The following FREM2 variants were observed in gnomAD, a reference collection of about 807,000 sequenced individuals.
FREM2 encodes FRAS1 related extracellular matrix 2, also known as FRAS1-related extracellular matrix protein 2.
A neutral mutation model predicts 219.9 loss-of-function variants in FREM2; 119 were observed. The observed-to-expected ratio is 0.54, with a 90% CI of 0.47 to 0.63. FREM2 has a LOEUF of 0.63. Among genes scored for constraint, FREM2 ranks in the 30% least tolerant of loss-of-function variants. The probability of loss-of-function intolerance (pLI) is 0.00; values close to 1 mark genes in which losing one functional copy is unlikely to be tolerated. For synonymous variants in FREM2, 1,562 were observed against 1,522.8 expected (o/e 1.03, Z -0.60); for missense variants, 4,030 against 3,993.6 (o/e 1.01, Z -0.25).
rs146659106 is a variant in FREM2 at position 38,690,755 on chromosome 13, C to G, written c.3411C>G (p.Asn1137Lys). Residue 1137 changes from asparagine to lysine, a missense_variant, in exon 1 of 24, where the codon AAC becomes AAG. Coordinates refer to ENST00000280481, the MANE Select transcript of FREM2 (RefSeq NM_207361.6). ...SRAGIAISAF[N>K]LKDLRQGHIN... ...CAGGGATTGCCATAAGTGCTTTCAA[C>G]TTGAAAGATCTCAGGCAGGGCCACA... The G allele has an allele frequency of 2.5e-6, 4 of 1,614,014 alleles. No individual in the cohort carries two copies. The highest frequency in any genetic ancestry group is 3.4e-6 in the Non-Finnish European group (4 of 1,180,012).
In FREM2 at chr13:38,846,721, T is replaced by A. The variant is rs1452074572; in HGVS notation, c.6168T>A (p.Asp2056Glu). 1 of 1,613,492 alleles carries A rather than the reference T, an allele frequency of 6.2e-7. No homozygotes were observed. The highest frequency in any genetic ancestry group is 1.3e-5 in the African/African-American group (1 of 74,894). ...RSRKTDPPSA[D>E]AGTDYVGISR... Reference sequence around the variant, plus strand: ...GGAAAACAGATCCTCCCTCTGCAGATGGTGAGCAGTTTCCCACTCGGCTCT... The same window carrying A: ...GGAAAACAGATCCTCCCTCTGCAGAAGGTGAGCAGTTTCCCACTCGGCTCT... Residue 2056 changes from aspartate (D) to glutamate (E), a missense_variant and splice_region_variant, in exon 7 of 24, where the codon GAT becomes GAA. This residue lies in a region of FREM2 where 3,102 missense variants were observed against 2,950.7 expected (regional missense o/e 1.05). Coordinates refer to ENST00000280481, the MANE Select transcript of FREM2 (RefSeq NM_207361.6).
At chr13:38,774,919 T>C (rs1040439667) in intron 4 of FREM2, among the ~76,000 whole-genome samples, 2 of 152,228 alleles carry the variant, frequency 1.3e-5, no homozygotes, top group Non-Finnish European at 2.9e-5. Context: ...TGAGTCATTC[T>C]GATATTTCCA....
At chr13:38,845,680 T>A (rs1343408639) in intron 6 of FREM2, among the ~76,000 whole-genome samples, 1 of 152,030 alleles carries the variant, frequency 6.6e-6, no homozygotes, top group East Asian at 1.9e-4. Flanking sequence ...CAAAATAAAT[T>A]TTTTTTTACA....
In FREM2 at chr13:38,856,162, T is replaced by C; in HGVS notation, c.6962T>C (p.Val2321Ala). Reference sequence around the variant, plus strand: ...AAGGAAGGGGAAACCCAGCACGTGGTTGAAATCGAAGTTACCTTTGACGGG... The same window carrying C: ...AAGGAAGGGGAAACCCAGCACGTGGCTGAAATCGAAGTTACCTTTGACGGG... ...EFKEGETQHVVEIEVTFDGVR... is the reference protein window; with the variant it reads ...EFKEGETQHVAEIEVTFDGVR... Residue 2321 changes from valine to alanine, a missense_variant, in exon 12 of 24, where the codon GTT becomes GCT. Physicochemically the swap from Val to Ala is moderately conservative, Grantham distance 64 (BLOSUM62 0). This residue lies in a region of FREM2 where 3,102 missense variants were observed against 2,950.7 expected (regional missense o/e 1.05). Coordinates refer to ENST00000280481, the MANE Select transcript of FREM2 (RefSeq NM_207361.6). The C allele has an allele frequency of 6.2e-7, 1 of 1,611,982 alleles. No homozygotes were observed. Among genetic ancestry groups the C allele is most frequent in the Non-Finnish European group, 8.5e-7 (1 of 1,178,252 alleles).
At chr13:38,770,230 A>T (rs1469477562) in intron 4 of FREM2, among the ~76,000 whole-genome samples, 1 of 149,288 alleles carries the variant, frequency 6.7e-6, no homozygotes, top group Non-Finnish European at 1.5e-5. Flanking sequence ...CATATATATA[A>T]AATCGTTTGT....
chr13:38,835,376 T>C (rs903960034), intron 6 of FREM2, among the ~76,000 whole-genome samples: 4 of 152,246 alleles, frequency 2.6e-5, no homozygotes, highest in Non-Finnish European at 4.4e-5. Flanking sequence ...TGAAGTCAGA[T>C]AGTGTGATGC....
rs2138064492 is a variant in FREM2, at chr13:38,688,673, G to A, written c.1329G>A (p.Arg443=). 1 of 1,613,992 alleles carries A rather than the reference G, an allele frequency of 6.2e-7. No individual in the cohort carries two copies. Among genetic ancestry groups the A allele is most frequent in the East Asian group, 2.2e-5 (1 of 44,854 alleles). The change falls in exon 1 of 24, where the codon CGG becomes CGA. Residue 443 remains arginine, a synonymous_variant. Coordinates refer to ENST00000280481, the MANE Select transcript of FREM2 (RefSeq NM_207361.6). The part of the protein sequence containing the change: ...PMNTMAPVVT[R]NTGLILYEGQ... ...ACACAATGGCTCCGGTGGTCACCCG[G>A]AATACCGGTCTTATTCTCTATGAGG...
At chr13:38,789,368 T>C (rs1874461533) in intron 6 of FREM2, among the ~76,000 whole-genome samples, 1 of 151,912 alleles carries the variant, frequency 6.6e-6, no homozygotes, top group Admixed American at 6.6e-5. Context: ...ATTAATTATA[T>C]TATCATAAAA....
chr13:38,813,469 T>C (rs1875578791), intron 6 of FREM2, among the ~76,000 whole-genome samples: 1 of 5,126 alleles, frequency 2.0e-4, no homozygotes, highest in Non-Finnish European at 4.3e-4. Flanking sequence ...TTGTTTTCTC[T>C]CTCTCTCTCT....
intron 7 of FREM2, 117 bp downstream of exon 7, chr13:38,846,839 G>T: frequency 8.6e-7 from 1 of 1,158,712 alleles, no homozygotes; most frequent in Non-Finnish European, 1.3e-6. Context: ...TGGGTATATT[G>T]TTTTTGCTGA....
At chr13:38,772,055 T>G (rs9548450) in intron 4 of FREM2, among the ~76,000 whole-genome samples, 1 of 151,814 alleles carries the variant, frequency 6.6e-6, no homozygotes, top group Admixed American at 6.6e-5. Flanking sequence ...CCTTTTGTAC[T>G]CTCTCTCCAG....
chr13:38,856,292 G>A (rs1329110079), intron 12 of FREM2, 36 bp downstream of exon 12: 3 of 1,598,372 alleles, frequency 1.9e-6, no homozygotes, highest in Admixed American at 1.7e-5. Flanking sequence ...TTCATGGCTA[G>A]CAGTTTGTCA....
At chr13:38,747,934 G>A (rs909503734) in intron 2 of FREM2, among the ~76,000 whole-genome samples, 10 of 152,102 alleles carry the variant, frequency 6.6e-5, no homozygotes, top group African/African-American at 1.7e-4. Flanking sequence ...TTCTTAGTAA[G>A]CCTTTAAATC....
At chr13:38,813,563 C>CTATATA (rs71074484) in intron 6 of FREM2, among the ~76,000 whole-genome samples, 392 of 5,050 alleles carry the variant, frequency 0.078, 39 homozygotes, top group Middle Eastern at 0.17. Context: ...CTCTCTCTCT[C>CTATATA]TATATATATA....
At chr13:38,850,844 C>T (rs773023574) in intron 9 of FREM2, 100 bp from the exon 10 acceptor site, 1 of 1,322,058 alleles carries the variant, frequency 7.6e-7, no homozygotes, top group Non-Finnish European at 1.1e-6. Context: ...TGCACTGATA[C>T]AGCAGGGAAA....
chr13:38,837,607 A>G (rs1876762723), intron 6 of FREM2, among the ~76,000 whole-genome samples: 1 of 152,156 alleles, frequency 6.6e-6, no homozygotes, highest in Non-Finnish European at 1.5e-5. Flanking sequence ...AACTTGCTTT[A>G]TGAATCTGAG....
intron 2 of FREM2, among the ~76,000 whole-genome samples, chr13:38,739,572 T>C (rs1164402655): frequency 6.6e-6 from 1 of 152,096 alleles, no homozygotes; most frequent in East Asian, 1.9e-4. Flanking sequence ...GAGCTCACCC[T>C]GATCATCCTT....
intron 8 of FREM2, among the ~76,000 whole-genome samples, chr13:38,849,617 T>A (rs1395284898): frequency 2.0e-5 from 3 of 152,166 alleles, no homozygotes; most frequent in Non-Finnish European, 4.4e-5. Flanking sequence ...TAACCTAGCA[T>A]AGGTGTCACC....
At chr13:38,789,422 A>G (rs1874465256) in intron 6 of FREM2, among the ~76,000 whole-genome samples, 1 of 151,572 alleles carries the variant, frequency 6.6e-6, no homozygotes, top group South Asian at 2.1e-4. Context: ...TATCCATTTT[A>G]TTACTAATAA....
Sources: allele counts gnomAD v4.1 joint callset (sites outside exome capture counted in the v4.1 genomes callset), GRCh38; gene constraint gnomAD v4.1.1; regional missense constraint gnomAD v4.1.1; transcripts MANE v1.5; gene names NCBI Gene and HGNC (gene_info 2026-07-23, HGNC 2026-07-21).